Variants in TIPIN observed in about 807,000 individuals in gnomAD.
TIPIN encodes TIMELESS interacting protein, also known as TIMELESS-interacting protein.
Under a neutral mutation model 35.6 loss-of-function variants are expected in TIPIN, and 29 were observed. That is an observed-to-expected ratio of 0.82 (90% CI 0.61 to 1.11). The LOEUF (loss-of-function observed/expected upper bound fraction) is 1.11, where lower values mean the gene tolerates loss of function less well. TIPIN is among the 50% of genes most tolerant of loss of function. The pLI, the probability that TIPIN is intolerant of heterozygous loss-of-function variation, is 0.00. For synonymous variants in TIPIN, 102 were observed against 121.5 expected (o/e 0.84, Z 1.06); for missense variants, 296 against 345.4 (o/e 0.86, Z 1.13).
At chr15:66,379,664 A>C (rs1333430249) in intron 1 of TIPIN, 1 of 1,611,228 alleles carries the variant, frequency 6.2e-7, no homozygotes, top group Non-Finnish European at 8.5e-7. Context: ...AGCCCAGTGT[A>C]ACACCCTTGA....
At chr15:66,378,862 A>T (rs2093307461) in intron 1 of TIPIN, among the ~76,000 whole-genome samples, 1 of 152,072 alleles carries the variant, frequency 6.6e-6, no homozygotes, top group Non-Finnish European at 1.5e-5. Context: ...TCAGCCTCTC[A>T]AGTAGCTGGG....
intron 1 of TIPIN, among the ~76,000 whole-genome samples, chr15:66,375,195 C>T (rs1026684409): frequency 2.6e-5 from 4 of 152,080 alleles, no homozygotes; most frequent in Admixed American, 1.3e-4. Context: ...GAGAAGATCG[C>T]TTGAGGCCAG....
intron 1 of TIPIN, among the ~76,000 whole-genome samples, chr15:66,385,701 C>T (rs576481662): frequency 1.6e-3 from 239 of 152,264 alleles, no homozygotes; most frequent in Non-Finnish European, 2.5e-3. Context: ...CTTGGCCAGG[C>T]TGGTCTTGAA....
chr15:66,343,548 G>A (rs1225011805), intron 6 of TIPIN, among the ~76,000 whole-genome samples: 1 of 151,980 alleles, frequency 6.6e-6, no homozygotes, highest in Non-Finnish European at 1.5e-5. Flanking sequence ...TCCCTTTTAA[G>A]GTTTCTTCCT....
intron 6 of TIPIN, among the ~76,000 whole-genome samples, chr15:66,346,585 T>C (rs968502572): frequency 6.6e-6 from 1 of 152,106 alleles, no homozygotes; most frequent in Admixed American, 6.6e-5. Context: ...ATTCATTCAC[T>C]ACTGTATTTG....
At position 66,352,151 on chromosome 15, in the gene TIPIN, T is replaced by C. The variant is rs777386587; in HGVS notation, c.190A>G (p.Ile64Val). The C allele has an allele frequency of 1.2e-6, 2 of 1,609,514 alleles. No homozygotes were observed. The highest frequency in any genetic ancestry group is 1.7e-5 in the Admixed American group (1 of 59,192). Reference sequence around the variant, plus strand: ...TACCTCTGAGCATCCAGCTTGGGTATATTTCTTTTAACTGTTCTCTTTGGA... The same window carrying C: ...TACCTCTGAGCATCCAGCTTGGGTACATTTCTTTTAACTGTTCTCTTTGGA... Reference protein sequence around the residue: ...VPPKRTVKRNIPKLDAQRLIS... With the variant: ...VPPKRTVKRNVPKLDAQRLIS... The change falls in exon 3 of 8, where the codon ATA (isoleucine) becomes GTA (valine). Residue 64 changes from isoleucine to valine, a missense_variant. Ile to Val is a conservative substitution (Grantham distance 29). Transcript: ENST00000261881.
chr15:66,338,543 G>A (rs1250334558), intron 7 of TIPIN, among the ~76,000 whole-genome samples: 4 of 151,952 alleles, frequency 2.6e-5, no homozygotes, highest in Admixed American at 6.6e-5. Flanking sequence ...GGCCAGGTGC[G>A]GTGGCTCACA....
intron 7 of TIPIN, among the ~76,000 whole-genome samples, chr15:66,338,152 A>G (rs2140435969): frequency 6.6e-6 from 1 of 152,088 alleles, no homozygotes; most frequent in East Asian, 1.9e-4. Flanking sequence ...GCTACTCGGG[A>G]GGCTGGGACA....
At chr15:66,351,642 T>TC in intron 3 of TIPIN, 42 bp from the exon 4 acceptor site, 1 of 887,086 alleles carries the variant, frequency 1.1e-6, no homozygotes, top group Non-Finnish European at 1.5e-6. Context: ...TTTTATTTTC[T>TC]TTTTTTTTTT....
chr15:66,353,990 G>C (rs2043998934), intron 1 of TIPIN, among the ~76,000 whole-genome samples: 1 of 152,084 alleles, frequency 6.6e-6, no homozygotes, highest in Admixed American at 6.6e-5. Flanking sequence ...AGGTGTTGTG[G>C]CACGCACCTG....
chr15:66,378,631 T>G (rs2093306389), intron 1 of TIPIN, among the ~76,000 whole-genome samples: 1 of 152,162 alleles, frequency 6.6e-6, no homozygotes, highest in Admixed American at 6.6e-5. Context: ...GTGTCTTTCT[T>G]CAAATGTTTT....
chr15:66,373,488 G>A lies in TIPIN; in HGVS notation c.-9+13119C>T, dbSNP rs1199905592. On this transcript the variant is annotated intron_variant, in intron 1 of 7. Transcript: ENST00000562124. ...AGCCTGGGCGACAGAGCGAGACTCC[G>A]TCTCAAAAAAAAAAAAAAAGGAAAA... is the stretch of plus-strand genomic sequence containing the variant. 1.1e-4 allele frequency among the ~76,000 whole-genome samples: 16 copies of A among 139,930 alleles called. 1 individual carries two copies. The highest frequency in any genetic ancestry group is 8.7e-4 in the South Asian group (4 of 4,598). 91.8% of individuals were successfully genotyped at this position (139,930 alleles called of 152,430 possible).
chr15:66,340,318 C>T (rs1225506830), intron 7 of TIPIN, among the ~76,000 whole-genome samples: 2 of 151,056 alleles, frequency 1.3e-5, no homozygotes, highest in Non-Finnish European at 2.9e-5. Flanking sequence ...GCTGGGATTA[C>T]AGGTGCACAC....
chr15:66,367,224 ATCTG>A lies in TIPIN; in HGVS notation c.-8-14273_-8-14270del, dbSNP rs766219457. 2.1e-5 allele frequency among the ~76,000 whole-genome samples: 3 copies of A among 145,410 alleles called. No individual in the cohort carries two copies. The South Asian group carries it at 6.7e-4, about 33-fold the overall frequency. ...TATCTATATCTATATCTATATCTAT[ATCTG>A]TATCTATATCTATATCTATCTATAT... On this transcript the variant is annotated intron_variant, in intron 1 of 7. Transcript: ENST00000562124.
At chr15:66,358,433 C>T (rs200768056), upstream of TIPIN, among the ~76,000 whole-genome samples, 1 of 145,404 alleles carries the variant, frequency 6.9e-6, no homozygotes, top group Non-Finnish European at 1.5e-5. Context: ...TTCTCTCTGT[C>T]TTTTTTTTTT....
intron 6 of TIPIN, among the ~76,000 whole-genome samples, chr15:66,347,997 ATTCT>A (rs1301629945): frequency 1.8e-5 from 2 of 108,698 alleles, no homozygotes; most frequent in African/African-American, 6.4e-5. Context: ...AACTACTTCT[ATTCT>A]TTCTTTCTTT....
chr15:66,346,287 A>C (rs2093125122), intron 6 of TIPIN, among the ~76,000 whole-genome samples: 1 of 149,604 alleles, frequency 6.7e-6, no homozygotes, highest in Non-Finnish European at 1.5e-5. Flanking sequence ...ACTGCCATAG[A>C]ATATAGAGCC....
upstream of TIPIN, among the ~76,000 whole-genome samples, chr15:66,361,191 TAGA>T (rs1387459149): frequency 6.6e-6 from 1 of 151,628 alleles, no homozygotes; most frequent in Non-Finnish European, 1.5e-5. Context: ...TATCCAAAAC[TAGA>T]AGTTTAGGAT....
intron 6 of TIPIN, among the ~76,000 whole-genome samples, chr15:66,348,006 TTC>T (rs1555407872): frequency 4.8e-4 from 15 of 31,266 alleles, no homozygotes; most frequent in East Asian, 2.4e-3. Context: ...TATTCTTTCT[TTC>T]TTTTTTTTTT....
Sources: gnomAD v4.1 joint callset for allele counts (sites outside exome capture counted in the v4.1 genomes callset) on GRCh38, gnomAD v4.1.1 for gene constraint, MANE v1.5 for transcripts, NCBI Gene and HGNC (gene_info 2026-07-23, HGNC 2026-07-21) for gene names.